FAM111B: variants seen among roughly 807,000 people sequenced by gnomAD.
FAM111B encodes FAM111 trypsin like peptidase B, also known as serine protease FAM111B.
A neutral mutation model predicts 2.8 loss-of-function variants in FAM111B; 1 was observed. The observed-to-expected ratio is 0.36, with a 90% confidence interval of 0.13 to 1.70. The LOEUF is 1.70. FAM111B is among the 40% of genes most tolerant of loss of function. FAM111B has a pLI of 0.35. For synonymous variants in FAM111B, 297 were observed against 295.6 expected (o/e 1.00, Z -0.05); for missense variants, 882 against 878.9 (o/e 1.00, Z -0.04).
rs191090934 is a variant in FAM111B, at chr11:59,109,534, T to A, written c.-86-6T>A. The A allele has an allele frequency of 1.1e-6, 1 of 909,206 alleles. No homozygotes were observed. Among genetic ancestry groups the A allele is most frequent in the Non-Finnish European group, 1.6e-6 (1 of 614,796 alleles). The allele number at this position is 909,206 out of a possible 1,614,324, so 56.3% of individuals were successfully genotyped here. A position where few individuals can be genotyped will look rare whatever the true frequency, so the allele number is the denominator to read the frequency against. On this transcript the variant is annotated splice_polypyrimidine_tract_variant and splice_region_variant and intron_variant, in intron 2 of 3. Coordinates refer to ENST00000343597, the MANE Select transcript of FAM111B (RefSeq NM_198947.4). ...TTCATAGATCTTGTTTTTTTGGTTT[T>A]TTTAGACATTTCAGGTGGCAGAATA...
rs113707990 is a variant in FAM111B, at chr11:59,115,612, A to G, written c.81+5906A>G. 5.2e-3 allele frequency among the ~76,000 whole-genome samples: 799 copies of G among 152,356 alleles called. 10 individuals are homozygous for G. The highest frequency in any genetic ancestry group is 0.018 in the African/African-American group (742 of 41,584). On this transcript the variant is annotated intron_variant, in intron 3 of 3. Coordinates refer to ENST00000343597, the MANE Select transcript of FAM111B (RefSeq NM_198947.4). ...CAAGGAGAGGTCTTTTTGCTGTTTT[A>G]AACATGGTGACATGAAAAGCATGAT...
rs1485419741 is a variant in FAM111B, at chr11:59,125,304, C to G, written c.1207C>G (p.Pro403Ala). The change falls in exon 4 of 4, where the codon CCG (proline) becomes GCG (alanine). Residue 403 changes from proline (P) to alanine (A), a missense_variant. By Grantham distance (27) the Pro-to-Ala change is conservative. Transcript: ENST00000343597. ...GAATGAAGCCATAATGCATCAGTAT[C>G]CGAATTTTAAAGAGGAGGCACAGTG... Reference protein sequence around the residue: ...TLNEAIMHQYPNFKEEAQWVR... With the variant: ...TLNEAIMHQYANFKEEAQWVR... 1 of 1,613,870 alleles carries G rather than the reference C, an allele frequency of 6.2e-7. No individual in the cohort carries two copies. Among genetic ancestry groups the G allele is most frequent in the South Asian group, 1.1e-5 (1 of 91,074 alleles).
chr11:59,122,172 T>C lies in FAM111B; in HGVS notation c.82-2007T>C, dbSNP rs1328841976. On this transcript the variant is annotated intron_variant, in intron 3 of 3. Coordinates refer to ENST00000343597, the MANE Select transcript of FAM111B (RefSeq NM_198947.4). ...AAATAAATAAATAAAATAAAATAAA[T>C]AAGTAGTGCAAATCACAGAAGAACA... 2.0e-5 allele frequency among the ~76,000 whole-genome samples: 3 copies of C among 152,168 alleles called. No individual in the cohort carries two copies. In the East Asian group the frequency reaches 5.8e-4, roughly 29 times the overall value.
Position 59,124,913 on chromosome 11 carries a change from A to G in FAM111B, c.816A>G (p.Lys272=). Residue 272 remains lysine, a synonymous_variant, in exon 4 of 4, where the codon AAA becomes AAG. Coordinates refer to ENST00000343597, the MANE Select transcript of FAM111B (RefSeq NM_198947.4). The stretch of plus-strand genomic sequence containing the variant: ...TAGAAATGGACATTTCAAAAAAAAA[A>G]GCATTACAACAGAAAGATATCCATA... ...KVLEMDISKK[K]ALQQKDIHKK... 9.4e-6 allele frequency: 15 copies of G among 1,596,422 alleles called. No individual in the cohort carries two copies. Among genetic ancestry groups the G allele is most frequent in the Non-Finnish European group, 1.2e-5 (14 of 1,175,074 alleles).
intron 2 of FAM111B, among the ~76,000 whole-genome samples, chr11:59,109,190 G>C (rs745432575): frequency 6.6e-6 from 1 of 151,952 alleles, no homozygotes; most frequent in Admixed American, 6.5e-5. Context: ...CAACAGTTTC[G>C]TTCCACTCAT....
rs754729078 is a variant in FAM111B, at chr11:59,125,869, C to T, written c.1772C>T (p.Thr591Ile). 6 of 1,613,870 alleles carry T rather than the reference C, an allele frequency of 3.7e-6. No homozygotes were observed. The highest frequency in any genetic ancestry group is 4.2e-6 in the Non-Finnish European group (5 of 1,179,846). ...EGQIKKIDGCTVIPLNERLKK... is the reference protein window; with the variant it reads ...EGQIKKIDGCIVIPLNERLKK... ...CAGATCAAGAAAATAGATGGTTGTA[C>T]TGTGATTCCTCTAAACGAACGATTG... The change falls in exon 4 of 4, where the codon ACT becomes ATT. Residue 591 changes from threonine to isoleucine, a missense_variant. Physicochemically the swap from Thr to Ile is moderately conservative, Grantham distance 89. Transcript: ENST00000343597.
rs576148158 is a variant in FAM111B, at chr11:59,114,822, G to A, written c.81+5116G>A. 1.5e-4 allele frequency among the ~76,000 whole-genome samples: 23 copies of A among 152,246 alleles called. 1 individual carries two copies. The highest frequency in any genetic ancestry group is 1.0e-3 in the South Asian group (5 of 4,822). On this transcript the variant is annotated intron_variant, in intron 3 of 3. Coordinates refer to ENST00000343597, the MANE Select transcript of FAM111B (RefSeq NM_198947.4). ...ATTGTGTGTGTTTGTGTGTGTGCAT[G>A]CACGTGTGTGTGTGTGTTTTGATAT...
chr11:59,119,150 G>A (rs1190326229), intron 3 of FAM111B, among the ~76,000 whole-genome samples: 7 of 152,142 alleles, frequency 4.6e-5, no homozygotes, highest in Admixed American at 2.6e-4. Flanking sequence ...CCTGACTTAG[G>A]TGATTTCCTC....
At chr11:59,113,801 C>T (rs1056271368) in intron 3 of FAM111B, among the ~76,000 whole-genome samples, 1 of 152,196 alleles carries the variant, frequency 6.6e-6, no homozygotes, top group Non-Finnish European at 1.5e-5. Flanking sequence ...TTAGACACAT[C>T]TTATGGGAGT....
At chr11:59,119,338 T>C (rs900058971) in intron 3 of FAM111B, among the ~76,000 whole-genome samples, 4 of 152,366 alleles carry the variant, frequency 2.6e-5, no homozygotes, top group African/African-American at 9.6e-5. Flanking sequence ...GCCTAGAACC[T>C]CTTTTCAGGC....
chr11:59,108,620 T>G (rs1419644456), intron 1 of FAM111B, 48 bp from the exon 2 acceptor site: 1 of 152,702 alleles, frequency 6.5e-6, no homozygotes, highest in African/African-American at 2.4e-5. Context: ...TGCAAACCAT[T>G]GTTTCATATG....
At chr11:59,118,907 A>C (rs906644958) in intron 3 of FAM111B, among the ~76,000 whole-genome samples, 3 of 152,144 alleles carry the variant, frequency 2.0e-5, no homozygotes, top group African/African-American at 7.2e-5. Context: ...TTTACCTATT[A>C]GTTCTTGCAT....
intron 3 of FAM111B, among the ~76,000 whole-genome samples, chr11:59,115,126 G>A (rs1182303007): frequency 6.6e-6 from 1 of 152,102 alleles, no homozygotes; most frequent in Non-Finnish European, 1.5e-5. Context: ...AACATGCCTG[G>A]GTTTTCCTCA....
At chr11:59,118,275 A>G (rs1859869652) in intron 3 of FAM111B, among the ~76,000 whole-genome samples, 1 of 152,306 alleles carries the variant, frequency 6.6e-6, no homozygotes, top group East Asian at 1.9e-4. Flanking sequence ...CCCTGCCTCC[A>G]GGTCCTGTTC....
At chr11:59,115,861 T>C (rs917545548) in intron 3 of FAM111B, among the ~76,000 whole-genome samples, 3 of 152,192 alleles carry the variant, frequency 2.0e-5, no homozygotes, top group Non-Finnish European at 4.4e-5. Flanking sequence ...ATGCTTCTTA[T>C]CTTAGTTTCT....
At chr11:59,108,366 G>C (rs1336846881) in intron 1 of FAM111B, among the ~76,000 whole-genome samples, 1 of 152,082 alleles carries the variant, frequency 6.6e-6, no homozygotes, top group Non-Finnish European at 1.5e-5. Context: ...AATGCTTTAG[G>C]GGAACCCTCT....
Position 59,111,518 on chromosome 11 carries a change from G to T in FAM111B, c.81+1812G>T, listed in dbSNP as rs533448704. ...TTAAGTTAAATATTAATGTTAAAAT[G>T]ATTAGGGCTATTTCGTTCAAGACAA... On this transcript the variant is annotated intron_variant, in intron 3 of 3. Transcript: ENST00000343597. Among the ~76,000 whole-genome samples the T allele has an allele frequency of 3.3e-5, 5 of 152,238 alleles. No homozygotes were observed. The South Asian group carries it at 1.0e-3, about 32-fold the overall frequency.
At position 59,124,538 on chromosome 11, in the gene FAM111B, C is replaced by A; in HGVS notation, c.441C>A (p.Leu147=). ...IDGHINLGMP[L]KCLPSDSHFK... ...GACATATAAATTTAGGAATGCCTCT[C>A]AAGTGCCTGCCTAGTGATTCTCATT... The change falls in exon 4 of 4, where the codon CTC becomes CTA. Residue 147 remains leucine (L), a synonymous_variant. Transcript: ENST00000343597. The A allele has an allele frequency of 6.2e-7, 1 of 1,613,500 alleles. No homozygotes were observed. Among genetic ancestry groups the A allele is most frequent in the South Asian group, 1.1e-5 (1 of 90,984 alleles).
In FAM111B at chr11:59,126,541, C is replaced by A; in HGVS notation, c.*239C>A. The A allele has an allele frequency of 2.9e-6, 1 of 346,396 alleles. No homozygotes were observed. The highest frequency in any genetic ancestry group is 5.2e-6 in the Non-Finnish European group (1 of 193,772). The allele number at this position is 346,396 out of a possible 1,614,324, so 21.5% of individuals were successfully genotyped here. On this transcript the variant is annotated 3_prime_UTR_variant, in exon 4 of 4. Transcript: ENST00000343597. ...ATTCAGAATCCATTAGGAACTTAAA[C>A]AGATTAACAAGCAAAAAAAACAAGC...
Sources: allele counts gnomAD v4.1 joint callset (sites outside exome capture counted in the v4.1 genomes callset), GRCh38; gene constraint gnomAD v4.1.1; transcripts MANE v1.5; gene names NCBI Gene and HGNC (gene_info 2026-07-23, HGNC 2026-07-21).